COL21A1: variants seen among roughly 807,000 people sequenced by gnomAD.
The protein encoded by COL21A1 is collagen alpha-1(XXI) chain.
Under a neutral mutation model 137.9 loss-of-function variants are expected in COL21A1, and 149 were observed. That is an observed-to-expected ratio of 1.08 (90% CI 0.95 to 1.24). The LOEUF (loss-of-function observed/expected upper bound fraction) is 1.24, where lower values mean the gene tolerates loss of function less well. Ranked by LOEUF, COL21A1 falls within the 50% of genes most tolerant of loss-of-function variation. The probability of loss-of-function intolerance (pLI) is 0.00; values close to 1 mark genes in which losing one functional copy is unlikely to be tolerated. For missense variants in COL21A1, 1,167 were observed against 1,158.4 expected (o/e 1.01, Z -0.11); for synonymous variants, 456 against 391.5 (o/e 1.16, Z -1.95).
intron 17 of COL21A1, among the ~76,000 whole-genome samples, 162 bp downstream of exon 17, chr6:56,101,310 C>T (rs896872316): frequency 5.9e-5 from 9 of 152,106 alleles, no homozygotes; most frequent in African/African-American, 2.2e-4. Flanking sequence ...TTCAACATTT[C>T]AATATTTTAT....
chr6:56,308,760 G>A (rs1764530630), intron 1 of COL21A1, among the ~76,000 whole-genome samples: 1 of 152,052 alleles, frequency 6.6e-6, no homozygotes, highest in African/African-American at 2.4e-5. Flanking sequence ...AAGATTTAAA[G>A]CTCAATTTCT....
Position 56,356,020 on chromosome 6 carries a change from T to C in COL21A1, c.-39+37951A>G, listed in dbSNP as rs954598249. ...GGATTCGGACCTTGCTGAAGCTGGGTTTTTCAATATTTCCTGAGATTCTTT... is the reference window on the plus strand; with the variant it reads ...GGATTCGGACCTTGCTGAAGCTGGGCTTTTCAATATTTCCTGAGATTCTTT... On this transcript the variant is annotated intron_variant, in intron 1 of 28. Coordinates refer to the COL21A1 transcript ENST00000370819. Among the ~76,000 whole-genome samples the C allele has an allele frequency of 2.6e-5, 4 of 151,934 alleles. No individual in the cohort carries two copies. In the East Asian group the frequency reaches 7.7e-4, roughly 29 times the overall value.
At chr6:56,339,905 C>G (rs1765428213) in intron 1 of COL21A1, among the ~76,000 whole-genome samples, 1 of 152,244 alleles carries the variant, frequency 6.6e-6, no homozygotes, top group Non-Finnish European at 1.5e-5. Flanking sequence ...ATGCAAGCAG[C>G]TAGTCACAAA....
intron 25 of COL21A1, 116 bp from the exon 26 acceptor site, chr6:56,061,153 T>C: frequency 1.2e-6 from 1 of 839,784 alleles, no homozygotes; most frequent in Non-Finnish European, 1.8e-6. Context: ...ATATGTAAGG[T>C]ATGTAAGGAA....
intron 17 of COL21A1, among the ~76,000 whole-genome samples, chr6:56,086,412 A>T (rs991277048): frequency 1.3e-5 from 2 of 151,284 alleles, no homozygotes; most frequent in Non-Finnish European, 3.0e-5. Context: ...TAACATAAAC[A>T]GTCAATTAAT....
chr6:56,086,813 T>A (rs763643112), intron 17 of COL21A1, among the ~76,000 whole-genome samples: 203 of 152,328 alleles, frequency 1.3e-3, no homozygotes, highest in Non-Finnish European at 1.8e-3. Context: ...TCAGTACCCA[T>A]ATCATAGAAG....
intron 27 of COL21A1, 124 bp from the exon 28 acceptor site, chr6:56,060,342 G>T: frequency 1.3e-6 from 1 of 791,122 alleles, no homozygotes; most frequent in Non-Finnish European, 2.0e-6. Context: ...ATATTTCTTG[G>T]CCAATAATTT....
intron 1 of COL21A1, among the ~76,000 whole-genome samples, chr6:56,263,613 GA>G (rs961422309): frequency 1.3e-5 from 2 of 152,192 alleles, no homozygotes; most frequent in African/African-American, 4.8e-5. Flanking sequence ...CACAGTCAGG[GA>G]AGCTAAGCGC....
chr6:56,146,730 G>A (rs1470796927), intron 10 of COL21A1, among the ~76,000 whole-genome samples: 3 of 152,050 alleles, frequency 2.0e-5, no homozygotes, highest in African/African-American at 7.2e-5. Flanking sequence ...GAGAGAATAA[G>A]CAGAAGCAAG....
intron 17 of COL21A1, among the ~76,000 whole-genome samples, chr6:56,098,014 T>TATACATGTAA (rs1769671460): frequency 2.5e-5 from 1 of 39,392 alleles, no homozygotes; most frequent in African/African-American, 1.2e-4. Flanking sequence ...AATATATAAA[T>TATACATGTAA]ATATATAAAT....
At chr6:56,229,341 C>G (rs1265693860) in intron 1 of COL21A1, among the ~76,000 whole-genome samples, 1 of 151,944 alleles carries the variant, frequency 6.6e-6, no homozygotes, top group Non-Finnish European at 1.5e-5. Flanking sequence ...GCACTTTAGC[C>G]TGGCCAATAG....
chr6:56,208,406 G>T (rs931897386), intron 1 of COL21A1, among the ~76,000 whole-genome samples: 1 of 152,130 alleles, frequency 6.6e-6, no homozygotes, highest in African/African-American at 2.4e-5. Context: ...GCCAAATCAT[G>T]TGTGAACTCC....
At chr6:56,337,961 C>CTTTT (rs200998969) in intron 1 of COL21A1, among the ~76,000 whole-genome samples, 13 of 90,896 alleles carry the variant, frequency 1.4e-4, no homozygotes, top group South Asian at 8.7e-4. Flanking sequence ...CTTTTCTTTT[C>CTTTT]TTTTTTTTTT....
chr6:56,222,774 T>TAA (rs35318862), intron 1 of COL21A1, among the ~76,000 whole-genome samples: 18 of 151,478 alleles, frequency 1.2e-4, no homozygotes, highest in East Asian at 5.9e-4. Context: ...TCCTATTCTT[T>TAA]AAAAAAAAGG....
intron 1 of COL21A1, among the ~76,000 whole-genome samples, chr6:56,302,557 C>T (rs1582766751): frequency 6.6e-6 from 1 of 152,070 alleles, no homozygotes; most frequent in South Asian, 2.1e-4. Flanking sequence ...ATATCCTTTG[C>T]CCACTTTTTG....
At chr6:56,163,864 TG>T (rs1402631976) in intron 9 of COL21A1, among the ~76,000 whole-genome samples, 2 of 152,112 alleles carry the variant, frequency 1.3e-5, no homozygotes, top group Non-Finnish European at 2.9e-5. Context: ...AATATGTAAA[TG>T]TAACTGGAAC....
At chr6:56,176,434 T>C (rs1419637345) in intron 3 of COL21A1, among the ~76,000 whole-genome samples, 2 of 145,430 alleles carry the variant, frequency 1.4e-5, no homozygotes, top group Admixed American at 6.8e-5. Context: ...AAAAAAAAAC[T>C]GATTAAGGAA....
chr6:56,210,043 T>C (rs1780058776), intron 1 of COL21A1, among the ~76,000 whole-genome samples: 2 of 151,476 alleles, frequency 1.3e-5, no homozygotes, highest in African/African-American at 2.4e-5. Flanking sequence ...CACTCATAAG[T>C]AGGAGTTGAA....
intron 9 of COL21A1, among the ~76,000 whole-genome samples, chr6:56,163,411 C>G (rs1206142882): frequency 1.3e-5 from 2 of 152,160 alleles, no homozygotes; most frequent in African/African-American, 4.8e-5. Context: ...GCACAACTTA[C>G]TTAAAAATTT....
Sources: allele counts gnomAD v4.1 joint callset (sites outside exome capture counted in the v4.1 genomes callset), GRCh38; gene constraint gnomAD v4.1.1; transcripts MANE v1.5; gene names NCBI Gene and HGNC (gene_info 2026-07-23, HGNC 2026-07-21).